LRIG1: variants seen among roughly 807,000 people sequenced by gnomAD.
The protein encoded by LRIG1 is leucine rich repeats and immunoglobulin like domains 1, also known as leucine-rich repeats and immunoglobulin-like domains protein 1.
A neutral mutation model predicts 99.2 loss-of-function variants in LRIG1; 48 were observed. The ratio of observed to expected loss-of-function variants is 0.48; its 90% CI spans 0.38 to 0.62. The LOEUF is 0.62. Ranked by LOEUF, LRIG1 falls within the 20% of genes least tolerant of loss-of-function variation. The probability of loss-of-function intolerance (pLI) is 0.00; values close to 1 mark genes in which losing one functional copy is unlikely to be tolerated. For missense variants in LRIG1, 1,646 were observed against 1,434.4 expected (o/e 1.15, Z -2.38); for synonymous variants, 772 against 596.1 (o/e 1.29, Z -4.30).
chr3:66,381,707 A>T, intron 16 of LRIG1, 76 bp from the exon 17 acceptor site: 1 of 1,510,578 alleles, frequency 6.6e-7, no homozygotes, highest in Non-Finnish European at 9.1e-7. Context: ...GGAATGAGCA[A>T]GGCCGCTAGA....
intron 6 of LRIG1, 96 bp downstream of exon 6, chr3:66,412,775 G>A: frequency 7.0e-7 from 1 of 1,427,246 alleles, no homozygotes. Flanking sequence ...CAACGTTGGT[G>A]TTGGTGCGCA....
rs571330531 is a variant in LRIG1, at chr3:66,451,579, T to G, written c.345A>C (p.Ser115=). 1.1e-4 allele frequency: 171 copies of G among 1,614,088 alleles called. No homozygotes were observed. The East Asian group carries it at 3.6e-3, about 34-fold the overall frequency. Reference sequence around the variant, plus strand: ...CTTACAGAAAGAGAGAGACGACATGTGATGAAGCAGCGCCCAGGGATGGTA... The same window carrying G: ...CTTACAGAAAGAGAGAGACGACATGGGATGAAGCAGCGCCCAGGGATGGTA... ...TAVPSLGAAS[S]HVVSLFLQHN... is the part of the protein sequence containing the mutation. Residue 115 remains serine (S), a synonymous_variant, in exon 3 of 19, where the codon TCA becomes TCC. Coordinates refer to ENST00000273261, the MANE Select transcript of LRIG1 (RefSeq NM_015541.3).
intron 1 of LRIG1, among the ~76,000 whole-genome samples, chr3:66,475,663 A>C (rs1352475341): frequency 6.6e-6 from 1 of 152,238 alleles, no homozygotes; most frequent in Admixed American, 6.5e-5. Context: ...AAGTGGCTTT[A>C]GATTTGGTTA....
At chr3:66,481,155 T>A (rs551561186) in intron 1 of LRIG1, among the ~76,000 whole-genome samples, 1 of 152,332 alleles carries the variant, frequency 6.6e-6, no homozygotes, top group East Asian at 1.9e-4. Context: ...ACCTCAGCAC[T>A]GCCCTCGCCA....
intron 17 of LRIG1, chr3:66,381,094 A>G: frequency 5.0e-6 from 3 of 595,188 alleles, no homozygotes; most frequent in Non-Finnish European, 8.9e-6. Context: ...TAGACAATGT[A>G]GTCTTACTGC....
chr3:66,446,115 C>CT (rs1336805367), intron 3 of LRIG1, among the ~76,000 whole-genome samples: 1 of 152,170 alleles, frequency 6.6e-6, no homozygotes. Context: ...TTTCGCCCCT[C>CT]TTTTTTTCCA....
In LRIG1 at chr3:66,380,165, G is replaced by A. The variant is rs1291478113; in HGVS notation, c.*98C>T. ...TACTCCACATGGGAGTTACAACTAT[G>A]TACAGATGAGTGACGCTTGAACCCA... On this transcript the variant is annotated 3_prime_UTR_variant, in exon 19 of 19. Transcript: ENST00000273261. The A allele has an allele frequency of 2.2e-6, 2 of 928,162 alleles. No individual in the cohort carries two copies. Among genetic ancestry groups the A allele is most frequent in the African/African-American group, 3.3e-5 (2 of 60,486 alleles). 57.5% of individuals were successfully genotyped at this position (928,162 alleles called of 1,614,324 possible).
chr3:66,380,788 G>T lies in LRIG1; in HGVS notation c.2844C>A (p.His948Gln), dbSNP rs1701004178. Residue 948 changes from histidine (H) to glutamine (Q), a missense_variant, in exon 18 of 19, where the codon CAC (histidine) becomes CAA (glutamine). Physicochemically the swap from His to Gln is conservative, Grantham distance 24. Coordinates refer to ENST00000273261, the MANE Select transcript of LRIG1 (RefSeq NM_015541.3). ...VDCYSRGQAFHPQPVSRDSAQ... is the reference protein window; with the variant it reads ...VDCYSRGQAFQPQPVSRDSAQ... ...CGCTGTCTCTGGACACAGGCTGGGG[G>T]TGGAAGGCTTGTCCCCTGGAGTAAC... is the stretch of plus-strand genomic sequence containing the variant. 2 of 1,614,112 alleles carry T rather than the reference G, an allele frequency of 1.2e-6. No individual in the cohort carries two copies. Among genetic ancestry groups the T allele is most frequent in the Admixed American group, 1.7e-5 (1 of 60,014 alleles).
In LRIG1 at chr3:66,382,986, G is replaced by A; in HGVS notation, c.2487C>T (p.Asn829=). Residue 829 remains asparagine (N), a synonymous_variant, in exon 15 of 19, where the codon AAC becomes AAT. Transcript: ENST00000273261. ...RKKSEEYSVT[N]TDETVVPPDV... is the part of the protein sequence containing the mutation. ...GCTCCGCTGGCAGGGCCTGACCTGT[G>A]TTGGTGACACTGTACTCTTCACTCT... 1.2e-6 allele frequency: 2 copies of A among 1,605,022 alleles called. No individual in the cohort carries two copies. Among genetic ancestry groups the A allele is most frequent in the Non-Finnish European group, 1.7e-6 (2 of 1,173,206 alleles).
At chr3:66,434,807 A>C (rs1703297078) in intron 3 of LRIG1, among the ~76,000 whole-genome samples, 1 of 152,110 alleles carries the variant, frequency 6.6e-6, no homozygotes, top group Non-Finnish European at 1.5e-5. Context: ...AATGTGGAGA[A>C]ACGGAATTGC....
At chr3:66,440,230 C>T (rs1227648402) in intron 3 of LRIG1, among the ~76,000 whole-genome samples, 3 of 152,126 alleles carry the variant, frequency 2.0e-5, no homozygotes, top group Non-Finnish European at 4.4e-5. Context: ...ACCCCCTCTG[C>T]TCCCCAGCCC....
intron 10 of LRIG1, 24 bp downstream of exon 10, chr3:66,398,946 G>A: frequency 6.2e-7 from 1 of 1,609,806 alleles, no homozygotes; most frequent in Non-Finnish European, 8.5e-7. Context: ...CTGTGCCTCA[G>A]GGCAGGGCTG....
In LRIG1 at chr3:66,380,200, G is replaced by A. The variant is rs753591119; in HGVS notation, c.*63C>T. 64 of 1,394,656 alleles carry A rather than the reference G, an allele frequency of 4.6e-5. 1 individual carries two copies. The highest frequency in any genetic ancestry group is 3.2e-4 in the South Asian group (24 of 74,224). The allele number at this position is 1,394,656 out of a possible 1,614,324, so 86.4% of individuals were successfully genotyped here. ...GTGACGCTTGAACCCAAGCTTCCTC[G>A]CAGCCTCTCCTACCTCTCTTTCCCG... is the stretch of plus-strand genomic sequence containing the variant. On this transcript the variant is annotated 3_prime_UTR_variant, in exon 19 of 19. Transcript: ENST00000273261.
chr3:66,396,566 T>C (rs1460883087), intron 11 of LRIG1, among the ~76,000 whole-genome samples: 10 of 152,214 alleles, frequency 6.6e-5, no homozygotes, highest in African/African-American at 2.4e-4. Flanking sequence ...GCGAGGTATA[T>C]GCAGCAACGA....
intron 3 of LRIG1, among the ~76,000 whole-genome samples, chr3:66,449,575 C>A (rs1703835191): frequency 6.6e-6 from 1 of 152,202 alleles, no homozygotes; most frequent in Non-Finnish European, 1.5e-5. Flanking sequence ...AGGTGCAATT[C>A]TAAGTGCCAC....
intron 4 of LRIG1, among the ~76,000 whole-genome samples, chr3:66,416,144 C>A (rs1702608527): frequency 6.6e-6 from 1 of 152,178 alleles, no homozygotes; most frequent in Non-Finnish European, 1.5e-5. Flanking sequence ...GTCAGAGCAA[C>A]TTAGTGTAGC....
chr3:66,409,432 C>T (rs1702394303), intron 7 of LRIG1, among the ~76,000 whole-genome samples: 1 of 152,230 alleles, frequency 6.6e-6, no homozygotes, highest in Admixed American at 6.5e-5. Flanking sequence ...CACTACTAAT[C>T]TCAGAACTTT....
At chr3:66,398,016 G>A (rs1187025139) in intron 11 of LRIG1, 96 bp downstream of exon 11, 3 of 1,000,980 alleles carry the variant, frequency 3.0e-6, no homozygotes, top group African/African-American at 1.6e-5. Context: ...TGTACCATGT[G>A]AACTTTTAAC....
chr3:66,406,264 T>C (rs946592724), intron 8 of LRIG1: 9 of 985,296 alleles, frequency 9.1e-6, no homozygotes, highest in Non-Finnish European at 1.1e-5. Flanking sequence ...TTCCTTCCTA[T>C]CATCTGCATA....
Sources: gnomAD v4.1 joint callset for allele counts (sites outside exome capture counted in the v4.1 genomes callset) on GRCh38, gnomAD v4.1.1 for gene constraint, MANE v1.5 for transcripts, NCBI Gene and HGNC (gene_info 2026-07-23, HGNC 2026-07-21) for gene names.